ITGBL1: variants seen among roughly 807,000 people sequenced by gnomAD.
ITGBL1 encodes integrin beta-like protein 1.
A neutral mutation model predicts 68.5 loss-of-function variants in ITGBL1; 51 were observed. The observed-to-expected ratio is 0.74, with a 90% CI of 0.59 to 0.94. ITGBL1 has a LOEUF of 0.94. Ranked by LOEUF, ITGBL1 falls within the 40% of genes least tolerant of loss-of-function variation. The probability of loss-of-function intolerance (pLI) is 0.00; values close to 1 mark genes in which losing one functional copy is unlikely to be tolerated. For synonymous variants in ITGBL1, 209 were observed against 227.3 expected (o/e 0.92, Z 0.72); for missense variants, 649 against 647.4 (o/e 1.00, Z -0.03).
At chr13:101,561,768 CAATT>C (rs2050104354) in intron 2 of ITGBL1, among the ~76,000 whole-genome samples, 1 of 152,054 alleles carries the variant, frequency 6.6e-6, no homozygotes, top group African/African-American at 2.4e-5. Flanking sequence ...GAAATGAAAA[CAATT>C]AAGGATTTTT....
intron 6 of ITGBL1, among the ~76,000 whole-genome samples, chr13:101,585,179 C>A (rs958291066): frequency 1.3e-5 from 2 of 152,128 alleles, no homozygotes; most frequent in South Asian, 4.1e-4. Flanking sequence ...GTGCTGTCAT[C>A]ACCAGATTTC....
At chr13:101,471,360 A>G (rs2048454308) in intron 2 of ITGBL1, among the ~76,000 whole-genome samples, 2 of 152,154 alleles carry the variant, frequency 1.3e-5, no homozygotes, top group Admixed American at 1.3e-4. Flanking sequence ...CCATGTCACT[A>G]TGATTAAATT....
At chr13:101,640,300 A>T (rs1323764080) in intron 7 of ITGBL1, among the ~76,000 whole-genome samples, 1 of 152,196 alleles carries the variant, frequency 6.6e-6, no homozygotes, top group Non-Finnish European at 1.5e-5. Flanking sequence ...ACTTTGGCTT[A>T]CTCAATGTAA....
chr13:101,710,202 A>T (rs1593997743), intron 9 of ITGBL1, among the ~76,000 whole-genome samples: 1 of 152,266 alleles, frequency 6.6e-6, no homozygotes, highest in South Asian at 2.1e-4. Context: ...GAGTCCTTAA[A>T]CTTAAAAGGG....
At chr13:101,632,917 G>A (rs1440320083) in intron 7 of ITGBL1, among the ~76,000 whole-genome samples, 2 of 152,166 alleles carry the variant, frequency 1.3e-5, no homozygotes, top group African/African-American at 4.8e-5. Flanking sequence ...ATTGTGAATG[G>A]CAAAGCAGAG....
At chr13:101,703,895 C>T (rs2034191151) in intron 8 of ITGBL1, among the ~76,000 whole-genome samples, 1 of 152,106 alleles carries the variant, frequency 6.6e-6, no homozygotes, top group South Asian at 2.1e-4. Context: ...TGGCTGAAGG[C>T]AGCCAGATTC....
intron 6 of ITGBL1, among the ~76,000 whole-genome samples, 192 bp from the exon 7 acceptor site, chr13:101,597,961 T>G (rs984592223): frequency 6.6e-6 from 1 of 152,166 alleles, no homozygotes; most frequent in South Asian, 2.1e-4. Context: ...GTTGCTTTTC[T>G]CTACCCCTCA....
intron 2 of ITGBL1, among the ~76,000 whole-genome samples, chr13:101,489,171 C>T (rs1367314859): frequency 1.3e-5 from 2 of 152,170 alleles, no homozygotes; most frequent in South Asian, 4.1e-4. Flanking sequence ...TTCATCATGT[C>T]AATCTACGGA....
At chr13:101,627,308 A>C (rs1341362047) in intron 7 of ITGBL1, among the ~76,000 whole-genome samples, 2 of 151,954 alleles carry the variant, frequency 1.3e-5, no homozygotes, top group East Asian at 3.9e-4. Flanking sequence ...TTTTTAGTGC[A>C]CTTTTAAGTT....
rs1459617145 is a variant in ITGBL1, at chr13:101,574,772, T to A, written c.464-652T>A. Among the ~76,000 whole-genome samples, 4 of 152,080 alleles carry A rather than the reference T, an allele frequency of 2.6e-5. No homozygotes were observed. In the South Asian group the frequency reaches 6.2e-4, roughly 24 times the overall value. On this transcript the variant is annotated intron_variant, in intron 3 of 10. Coordinates refer to ENST00000376180, the MANE Select transcript of ITGBL1 (RefSeq NM_004791.3). ...ACTTGGATGAGTATATGGCTCGTGG[T>A]AGACCAGATGACTACCATGCCTCTC...
intron 7 of ITGBL1, among the ~76,000 whole-genome samples, chr13:101,605,025 T>A (rs2030663998): frequency 7.3e-6 from 1 of 137,796 alleles, no homozygotes. Flanking sequence ...TATGTGTATA[T>A]GTATATATAC....
At chr13:101,530,168 A>C (rs1348558932) in intron 2 of ITGBL1, among the ~76,000 whole-genome samples, 1 of 152,174 alleles carries the variant, frequency 6.6e-6, no homozygotes, top group East Asian at 1.9e-4. Context: ...GTCTTACTTT[A>C]GTACGAAGAC....
chr13:101,705,764 G>A (rs543948151), intron 8 of ITGBL1, among the ~76,000 whole-genome samples: 11 of 152,268 alleles, frequency 7.2e-5, no homozygotes, highest in African/African-American at 2.4e-4. Flanking sequence ...AGGAGAGAAC[G>A]GTGTCAACAG....
intron 2 of ITGBL1, among the ~76,000 whole-genome samples, chr13:101,474,444 G>C (rs573365654): frequency 6.6e-6 from 1 of 152,156 alleles, no homozygotes; most frequent in Non-Finnish European, 1.5e-5. Context: ...CTGACTCCAC[G>C]CACTGGCTCA....
Position 101,692,648 on chromosome 13 carries a change from C to CT in ITGBL1, c.1081dup (p.Cys361LeufsTer2), listed in dbSNP as rs1196442251. ...GGAGATCGCCGGGTGTATGGCAAGA[C>CT]TTGTGAGTGTGATGATCGCCGCTGT... On this transcript the variant is annotated frameshift_variant, in exon 8 of 11. Transcript: ENST00000376180. LOFTEE classifies it high-confidence loss of function. 6 of 1,613,890 alleles carry CT rather than the reference C, an allele frequency of 3.7e-6. No homozygotes were observed. The highest frequency in any genetic ancestry group is 5.1e-6 in the Non-Finnish European group (6 of 1,179,836).
intron 2 of ITGBL1, among the ~76,000 whole-genome samples, chr13:101,502,051 A>G (rs1018084294): frequency 6.6e-6 from 1 of 152,204 alleles, no homozygotes; most frequent in Non-Finnish European, 1.5e-5. Flanking sequence ...ACAAAAAATA[A>G]GAATGTGTAT....
intron 2 of ITGBL1, among the ~76,000 whole-genome samples, chr13:101,491,907 T>A (rs184695851): frequency 6.6e-6 from 1 of 152,306 alleles, no homozygotes; most frequent in Non-Finnish European, 1.5e-5. Flanking sequence ...CCTGGGTTAG[T>A]TTGCTGAGAA....
chr13:101,454,899 G>A (rs2048221033), intron 2 of ITGBL1, among the ~76,000 whole-genome samples: 2 of 152,150 alleles, frequency 1.3e-5, no homozygotes, highest in African/African-American at 4.8e-5. Flanking sequence ...TTCTGAGGGT[G>A]GAGTGAAAAT....
At chr13:101,550,991 G>C (rs1007994067) in intron 2 of ITGBL1, among the ~76,000 whole-genome samples, 3 of 152,246 alleles carry the variant, frequency 2.0e-5, no homozygotes, top group African/African-American at 7.2e-5. Context: ...CAGAATACAT[G>C]TTCCAGTCTT....
Sources: allele counts gnomAD v4.1 joint callset (sites outside exome capture counted in the v4.1 genomes callset), GRCh38; gene constraint gnomAD v4.1.1; transcripts MANE v1.5; gene names NCBI Gene and HGNC (gene_info 2026-07-23, HGNC 2026-07-21).